ACBD3: variants seen among roughly 807,000 people sequenced by gnomAD.
ACBD3 encodes the protein acyl-CoA binding domain containing 3.
A neutral mutation model predicts 66.9 loss-of-function variants in ACBD3; 30 were observed. The ratio of observed to expected loss-of-function variants is 0.45; its 90% CI spans 0.34 to 0.61. The LOEUF is 0.61. ACBD3 is among the 20% of genes least tolerant of loss of function. The pLI, the probability that ACBD3 is intolerant of heterozygous loss-of-function variation, is 0.02. For missense variants in ACBD3, 544 were observed against 664.5 expected (o/e 0.82, Z 1.99); for synonymous variants, 278 against 259.8 (o/e 1.07, Z -0.68).
intron 1 of ACBD3, among the ~76,000 whole-genome samples, chr1:226,169,764 G>C (rs74871399): frequency 0.45 from 66,768 of 149,408 alleles, 15,085 homozygotes; most frequent in African/African-American, 0.5. Context: ...GCTCACACCT[G>C]TAATCCCAGC....
chr1:226,186,720 T>G lies in ACBD3; in HGVS notation c.-45A>C. ...TCAGCGGGGACAGACGGCAGCCACGTATCGACTTCCTGCTGACCTCTGACC... is the reference window on the plus strand; with the variant it reads ...TCAGCGGGGACAGACGGCAGCCACGGATCGACTTCCTGCTGACCTCTGACC... On this transcript the variant is annotated 5_prime_UTR_variant, in exon 1 of 8. Transcript: ENST00000366812. 7.0e-7 allele frequency: 1 copy of G among 1,436,106 alleles called. No homozygotes were observed. Among genetic ancestry groups the G allele is most frequent in the Non-Finnish European group, 9.1e-7 (1 of 1,097,872 alleles). 89.0% of individuals were successfully genotyped at this position (1,436,106 alleles called of 1,614,324 possible).
At chr1:226,171,823 G>C (rs544836967) in intron 1 of ACBD3, among the ~76,000 whole-genome samples, 1 of 151,982 alleles carries the variant, frequency 6.6e-6, no homozygotes, top group African/African-American at 2.4e-5. Flanking sequence ...GATTACAGAC[G>C]TGAGCCACCG....
intron 1 of ACBD3, among the ~76,000 whole-genome samples, chr1:226,167,005 A>G (rs1301448808): frequency 6.6e-6 from 1 of 151,618 alleles, no homozygotes; most frequent in Non-Finnish European, 1.5e-5. Flanking sequence ...AATGTTGCCC[A>G]GACTGGTCTT....
intron 1 of ACBD3, among the ~76,000 whole-genome samples, chr1:226,170,333 ATTTT>A (rs71574563): frequency 9.1e-6 from 1 of 109,846 alleles, no homozygotes; most frequent in African/African-American, 3.6e-5. Context: ...AATTTTTTGA[ATTTT>A]TTTTTTTTTT....
Position 226,159,196 on chromosome 1 carries a change from A to G in ACBD3, c.891T>C (p.Leu297=). The change falls in exon 5 of 8, where the codon CTT becomes CTC. Residue 297 remains leucine, a synonymous_variant. Coordinates refer to ENST00000366812, the MANE Select transcript of ACBD3 (RefSeq NM_022735.4). ...QYMQQLYQVQ[L]AQQQAALQKQ... ...TTGTCTATCGTACCTGTTGCTGTGCAAGCTGGACTTGATACAACTGCTGCA... is the reference window on the plus strand; with the variant it reads ...TTGTCTATCGTACCTGTTGCTGTGCGAGCTGGACTTGATACAACTGCTGCA... 1 of 1,614,200 alleles carries G rather than the reference A, an allele frequency of 6.2e-7. No homozygotes were observed. The highest frequency in any genetic ancestry group is 8.5e-7 in the Non-Finnish European group (1 of 1,180,012).
At chr1:226,173,440 A>G (rs562727944) in intron 1 of ACBD3, among the ~76,000 whole-genome samples, 3 of 152,280 alleles carry the variant, frequency 2.0e-5, no homozygotes, top group Non-Finnish European at 4.4e-5. Flanking sequence ...ACACATTTTT[A>G]AAGTCGAAGC....
rs1161371376 is a variant in ACBD3 at position 226,186,258 on chromosome 1, C to T, written c.286+132G>A. 4 of 1,206,358 alleles carry T rather than the reference C, an allele frequency of 3.3e-6. No individual in the cohort carries two copies. The Admixed American group carries it at 1.7e-4, about 50-fold the overall frequency. The allele number at this position is 1,206,358 out of a possible 1,614,324, so 74.7% of individuals were successfully genotyped here. On this transcript the variant is annotated intron_variant, in intron 1 of 7. Coordinates refer to ENST00000366812, the MANE Select transcript of ACBD3 (RefSeq NM_022735.4). ...ACTTCGGGTACCCCCAAGGAGGGAACCCCGCTTGAGTCACCACAGCCCAGT... is the reference window on the plus strand; with the variant it reads ...ACTTCGGGTACCCCCAAGGAGGGAATCCCGCTTGAGTCACCACAGCCCAGT...
intron 2 of ACBD3, among the ~76,000 whole-genome samples, chr1:226,165,470 C>T (rs1442435815): frequency 2.6e-5 from 4 of 152,110 alleles, no homozygotes; most frequent in African/African-American, 7.2e-5. Context: ...CGCACCTGGC[C>T]TATTTTTCTT....
intron 5 of ACBD3, among the ~76,000 whole-genome samples, chr1:226,155,353 G>T (rs1439443235): frequency 2.0e-5 from 3 of 150,954 alleles, no homozygotes; most frequent in African/African-American, 7.3e-5. Context: ...GGAGGCGGAG[G>T]TTGCAGTGAC....
At chr1:226,171,261 C>A (rs1007708024) in intron 1 of ACBD3, among the ~76,000 whole-genome samples, 1 of 152,000 alleles carries the variant, frequency 6.6e-6, no homozygotes, top group African/African-American at 2.4e-5. Context: ...GATTCTCCTG[C>A]CTCAGCCTCC....
intron 3 of ACBD3, among the ~76,000 whole-genome samples, chr1:226,162,734 C>G (rs2102781181): frequency 6.6e-6 from 1 of 152,132 alleles, no homozygotes; most frequent in African/African-American, 2.4e-5. Context: ...CCTCTAACTC[C>G]TATAAGTGAT....
chr1:226,178,574 C>CAAAAAA lies in ACBD3; in HGVS notation c.286+7810_286+7815dup, dbSNP rs57231361. On this transcript the variant is annotated intron_variant, in intron 1 of 7. Coordinates refer to ENST00000366812, the MANE Select transcript of ACBD3 (RefSeq NM_022735.4). Reference sequence around the variant, plus strand: ...TGGGCGACAGAGCAAGACTCCGTCTCAAAAAAAAAAAAAAAAAAAGACTAT... The same window carrying CAAAAAA: ...TGGGCGACAGAGCAAGACTCCGTCTCAAAAAAAAAAAAAAAAAAAAAAAAAGACTAT... Among the ~76,000 whole-genome samples, 24 of 83,622 alleles carry CAAAAAA rather than the reference C, an allele frequency of 2.9e-4. 1 individual carries two copies. The highest frequency in any genetic ancestry group is 6.1e-4 in the African/African-American group (13 of 21,250). 54.9% of individuals were successfully genotyped at this position (83,622 alleles called of 152,430 possible).
At chr1:226,174,090 T>C (rs1655962279) in intron 1 of ACBD3, among the ~76,000 whole-genome samples, 2 of 152,080 alleles carry the variant, frequency 1.3e-5, no homozygotes, top group African/African-American at 4.8e-5. Flanking sequence ...AAATTATTTC[T>C]GGTACCATAA....
At chr1:226,185,827 A>G (rs1163125966) in intron 1 of ACBD3, among the ~76,000 whole-genome samples, 1 of 152,074 alleles carries the variant, frequency 6.6e-6, no homozygotes, top group African/African-American at 2.4e-5. Flanking sequence ...GCCGGAGAGG[A>G]TGATGAGCTT....
intron 6 of ACBD3, among the ~76,000 whole-genome samples, chr1:226,152,952 T>C (rs911441404): frequency 6.6e-6 from 1 of 152,244 alleles, no homozygotes; most frequent in Admixed American, 6.5e-5. Context: ...GGAAATATTC[T>C]AGCAAGGAAG....
intron 3 of ACBD3, among the ~76,000 whole-genome samples, chr1:226,163,209 A>G (rs1315051536): frequency 2.0e-5 from 3 of 152,216 alleles, no homozygotes; most frequent in African/African-American, 7.2e-5. Context: ...CTACTCTTAA[A>G]CACTTTAAAA....
chr1:226,171,025 G>A (rs986759539), intron 1 of ACBD3, among the ~76,000 whole-genome samples: 1 of 152,058 alleles, frequency 6.6e-6, no homozygotes, highest in Admixed American at 6.6e-5. Flanking sequence ...GTAATCAATC[G>A]CCCTAGGCTT....
intron 4 of ACBD3, among the ~76,000 whole-genome samples, chr1:226,160,527 C>T (rs934467106): frequency 4.6e-5 from 7 of 152,150 alleles, no homozygotes; most frequent in African/African-American, 1.7e-4. Flanking sequence ...GACAACCTCC[C>T]CCAAAAAAGA....
At chr1:226,146,906 T>TC in intron 7 of ACBD3, 85 bp from the exon 8 acceptor site, 1 of 1,338,578 alleles carries the variant, frequency 7.5e-7, no homozygotes, top group Non-Finnish European at 1.1e-6. Flanking sequence ...TTCTTTTTTT[T>TC]CTGGAGACAG....
Sources: gnomAD v4.1 joint callset for allele counts (sites outside exome capture counted in the v4.1 genomes callset) on GRCh38, gnomAD v4.1.1 for gene constraint, MANE v1.5 for transcripts, NCBI Gene and HGNC (gene_info 2026-07-23, HGNC 2026-07-21) for gene names.